NALF1: variants seen among roughly 807,000 people sequenced by gnomAD.
NALF1 encodes NALCN channel auxiliary factor 1, also known as family with sequence similarity 155 member A.
A neutral mutation model predicts 48.4 loss-of-function variants in NALF1; 3 were observed. The observed-to-expected ratio is 0.06, with a 90% CI of 0.03 to 0.16. The LOEUF (loss-of-function observed/expected upper bound fraction) is 0.16, where lower values mean the gene tolerates loss of function less well. Ranked by LOEUF, NALF1 falls within the 10% of genes least tolerant of loss-of-function variation. The probability of loss-of-function intolerance (pLI) is 1.00; values close to 1 mark genes in which losing one functional copy is unlikely to be tolerated. For missense variants in NALF1, 526 were observed against 571.5 expected (o/e 0.92, Z 0.81); for synonymous variants, 262 against 245.7 (o/e 1.07, Z -0.62).
At chr13:107,188,520 A>AAAG (rs1271062875) in intron 2 of NALF1, among the ~76,000 whole-genome samples, 7 of 152,176 alleles carry the variant, frequency 4.6e-5, no homozygotes, top group Non-Finnish European at 1.5e-5. Flanking sequence ...ATATCTTTTT[A>AAAG]AAGTCAGGGC....
rs553886742 is a variant in NALF1, at chr13:107,343,120, C to T, written c.916-132365G>A. On this transcript the variant is annotated intron_variant, in intron 1 of 2. Coordinates refer to ENST00000375915, the MANE Select transcript of NALF1 (RefSeq NM_001080396.3). ...AGAATGTCTCCCAGGATAGATCACA[C>T]ATTAGGCTACAAAACAAATCTTAAC... is the stretch of plus-strand genomic sequence containing the variant. Among the ~76,000 whole-genome samples, 64 of 152,282 alleles carry T rather than the reference C, an allele frequency of 4.2e-4. 2 individuals carry two copies. The South Asian group carries it at 0.013, about 30-fold the overall frequency.
At chr13:107,447,816 C>T (rs1463331097) in intron 1 of NALF1, among the ~76,000 whole-genome samples, 1 of 152,122 alleles carries the variant, frequency 6.6e-6, no homozygotes, top group Non-Finnish European at 1.5e-5. Context: ...CAAGTAGCCA[C>T]GGAACCTGCA....
At chr13:107,568,654 A>G (rs972595053) in intron 1 of NALF1, among the ~76,000 whole-genome samples, 1 of 152,212 alleles carries the variant, frequency 6.6e-6, no homozygotes, top group African/African-American at 2.4e-5. Flanking sequence ...ATAGATATGT[A>G]CTAATTTCTC....
At position 107,259,093 on chromosome 13, in the gene NALF1, A is replaced by G. The variant is rs142161672; in HGVS notation, c.916-48338T>C. 2.9e-3 allele frequency among the ~76,000 whole-genome samples: 448 copies of G among 152,280 alleles called. 5 individuals are homozygous for G. Among genetic ancestry groups the G allele is most frequent in the African/African-American group, 0.01 (427 of 41,548 alleles). On this transcript the variant is annotated intron_variant, in intron 1 of 2. Coordinates refer to ENST00000375915, the MANE Select transcript of NALF1 (RefSeq NM_001080396.3). ...ACGATTACATCTCCCCTGAACTTCT[A>G]TAACCCCAGGATTTCCTTTCTGCAT... is the stretch of plus-strand genomic sequence containing the variant.
chr13:107,472,621 C>T (rs1360409247), intron 1 of NALF1, among the ~76,000 whole-genome samples: 1 of 152,128 alleles, frequency 6.6e-6, no homozygotes, highest in Non-Finnish European at 1.5e-5. Context: ...CCATCTTTCT[C>T]CCGTGCTGGA....
intron 1 of NALF1, among the ~76,000 whole-genome samples, chr13:107,456,926 A>G (rs558658620): frequency 6.6e-6 from 1 of 152,226 alleles, no homozygotes; most frequent in Non-Finnish European, 1.5e-5. Context: ...TGTATAAATT[A>G]CCTTGTTTTT....
At chr13:107,375,629 T>A (rs564369215) in intron 1 of NALF1, among the ~76,000 whole-genome samples, 8 of 152,120 alleles carry the variant, frequency 5.3e-5, no homozygotes, top group African/African-American at 1.9e-4. Flanking sequence ...TAAGCTTTGA[T>A]TTTGAATTAT....
intron 1 of NALF1, among the ~76,000 whole-genome samples, chr13:107,223,041 G>A (rs930539408): frequency 1.5e-4 from 23 of 152,140 alleles, no homozygotes; most frequent in African/African-American, 5.3e-4. Flanking sequence ...TTTAAGGCAA[G>A]CAATAGAAAT....
intron 1 of NALF1, among the ~76,000 whole-genome samples, chr13:107,774,022 A>G (rs898988786): frequency 6.6e-6 from 1 of 152,206 alleles, no homozygotes; most frequent in Non-Finnish European, 1.5e-5. Context: ...TAGTTAAGTC[A>G]GCCTGTTATG....
At chr13:107,469,934 G>A (rs559542058) in intron 1 of NALF1, among the ~76,000 whole-genome samples, 10 of 151,344 alleles carry the variant, frequency 6.6e-5, no homozygotes, top group Admixed American at 2.0e-4. Flanking sequence ...TAGTAGAGAC[G>A]GGGTTTCACC....
intron 1 of NALF1, among the ~76,000 whole-genome samples, chr13:107,398,999 T>C (rs1883759452): frequency 6.6e-6 from 1 of 152,208 alleles, no homozygotes; most frequent in South Asian, 2.1e-4. Context: ...TTCTCCGGCC[T>C]GATGACCATC....
rs959705754 is a variant in NALF1 at position 107,866,914 on chromosome 13, G to GA, written c.-319dup. Among the ~76,000 whole-genome samples, 8 of 152,040 alleles carry GA rather than the reference G, an allele frequency of 5.3e-5. No individual in the cohort carries two copies. Among genetic ancestry groups the GA allele is most frequent in the African/African-American group, 1.9e-4 (8 of 41,428 alleles). Reference sequence around the variant, plus strand: ...AAACAATAATGGAGAGAGAGAGAGAGAGAGAGACGGAGGAGGCTGGTGCTG... The same window carrying GA: ...AAACAATAATGGAGAGAGAGAGAGAGAAGAGAGACGGAGGAGGCTGGTGCTG... On this transcript the variant is annotated 5_prime_UTR_variant, in exon 1 of 3. Coordinates refer to ENST00000375915, the MANE Select transcript of NALF1 (RefSeq NM_001080396.3). The surrounding 1 kb of genome is among the most constrained non-coding windows in gnomAD (Gnocchi z 4.4).
Position 107,706,914 on chromosome 13 carries a change from CA to C in NALF1, c.915+158767del, listed in dbSNP as rs1875387602. Among the ~76,000 whole-genome samples the C allele has an allele frequency of 2.3e-4, 29 of 124,764 alleles. No individual in the cohort carries two copies. In the Admixed American group the frequency reaches 2.5e-3, roughly 11 times the overall value. 81.9% of individuals were successfully genotyped at this position (124,764 alleles called of 152,430 possible). On this transcript the variant is annotated intron_variant, in intron 1 of 2. Transcript: ENST00000375915. Reference sequence around the variant, plus strand: ...TGTCCGCCAGTTTTTAAATCAAGGGCATTCTTTTTTTTTTTTTTTTTTTTTT... The same window carrying C: ...TGTCCGCCAGTTTTTAAATCAAGGGCTTCTTTTTTTTTTTTTTTTTTTTTT...
intron 1 of NALF1, among the ~76,000 whole-genome samples, chr13:107,588,613 AG>A (rs1798766891): frequency 6.6e-6 from 1 of 152,144 alleles, no homozygotes; most frequent in Non-Finnish European, 1.5e-5. Context: ...TGAGTGTAAA[AG>A]GAAACATGGA....
intron 1 of NALF1, among the ~76,000 whole-genome samples, chr13:107,563,612 G>A (rs1172069028): frequency 6.6e-6 from 1 of 152,178 alleles, no homozygotes; most frequent in East Asian, 1.9e-4. Context: ...TATCATTTAT[G>A]TATTCCCACA....
chr13:107,182,447 T>C (rs925218985), intron 2 of NALF1, among the ~76,000 whole-genome samples: 6 of 152,072 alleles, frequency 3.9e-5, no homozygotes, highest in East Asian at 1.9e-4. Flanking sequence ...GCTAATTTTG[T>C]ATTTTTTGTA....
intron 1 of NALF1, among the ~76,000 whole-genome samples, chr13:107,564,001 C>T (rs1877718023): frequency 6.6e-6 from 1 of 152,166 alleles, no homozygotes; most frequent in Non-Finnish European, 1.5e-5. Context: ...CACTGAAAGT[C>T]CCATATTTGG....
chr13:107,198,756 G>A (rs144079682), intron 2 of NALF1, among the ~76,000 whole-genome samples: 1,828 of 152,252 alleles, frequency 0.012, 27 homozygotes, highest in African/African-American at 0.042. Context: ...GTGTTGGCAG[G>A]GTTGGCTCCT....
At chr13:107,576,480 A>T (rs1003595741) in intron 1 of NALF1, among the ~76,000 whole-genome samples, 4 of 152,228 alleles carry the variant, frequency 2.6e-5, no homozygotes, top group African/African-American at 9.6e-5. Context: ...CAGATAAATA[A>T]ATCATGCTAT....
Sources: allele counts gnomAD v4.1 joint callset (sites outside exome capture counted in the v4.1 genomes callset), GRCh38; gene constraint gnomAD v4.1.1; non-coding constraint Gnocchi (gnomAD v3.1); transcripts MANE v1.5; gene names NCBI Gene and HGNC (gene_info 2026-07-23, HGNC 2026-07-21).